OVCH1: variants seen among roughly 807,000 people sequenced by gnomAD.
The protein encoded by OVCH1 is ovochymase 1.
In OVCH1, 139 loss-of-function variants were observed where a neutral mutation model predicts 138.4. That is an observed-to-expected ratio of 1.00 (90% CI 0.87 to 1.16). The LOEUF (loss-of-function observed/expected upper bound fraction) is 1.16, where lower values mean the gene tolerates loss of function less well. Among genes scored for constraint, OVCH1 ranks in the 50% most tolerant of loss-of-function variants. The pLI, the probability that OVCH1 is intolerant of heterozygous loss-of-function variation, is 0.00. For synonymous variants in OVCH1, 453 were observed against 467.8 expected, an observed-to-expected ratio of 0.97 and a Z score of 0.41; for missense variants, 1,367 against 1,357.9, an observed-to-expected ratio of 1.01 and a Z score of -0.11.
rs1555140209 is a variant in OVCH1, at chr12:29,412,932, C to CT, written c.*72-208dup. On this transcript the variant is annotated intron_variant and NMD_transcript_variant, in intron 3 of 4. Transcript: ENST00000539117. ...GTGCAGTAGTAGCTCACTGTAGACT[C>CT]TAACTCCTGGCTCAAATGATCCTGC... Among the ~76,000 whole-genome samples the CT allele has an allele frequency of 2.8e-4, 43 of 152,146 alleles. 1 individual carries two copies. In the East Asian group the frequency reaches 7.7e-3, roughly 27 times the overall value.
chr12:29,432,551 T>TCTAATA (rs1941288038), intron 27 of OVCH1, among the ~76,000 whole-genome samples: 1 of 152,076 alleles, frequency 6.6e-6, no homozygotes, highest in Non-Finnish European at 1.5e-5. Flanking sequence ...CATGTTAAGT[T>TCTAATA]TGAGATTCTT....
rs1941585900 is a variant in OVCH1 at position 29,445,406 on chromosome 12, A to C, written c.2756-3T>G. On this transcript the variant is annotated splice_region_variant and splice_polypyrimidine_tract_variant and intron_variant, in intron 22 of 27. Transcript: ENST00000318184. ...AAGTCTTCTTCCATGTAATCCACCT[A>C]GGTTAAAAAGTGAACTCTAGTAAAA... 1 of 1,598,822 alleles carries C rather than the reference A, an allele frequency of 6.3e-7. No homozygotes were observed.
intron 8 of OVCH1, among the ~76,000 whole-genome samples, 31 bp downstream of exon 9, chr12:29,484,682 C>T (rs1451748569): frequency 6.6e-6 from 1 of 152,012 alleles, no homozygotes; most frequent in Non-Finnish European, 1.5e-5. Flanking sequence ...GAGGAAAAGC[C>T]CCAGAAATCA....
chr12:29,411,608 C>T (rs1381829041), downstream of OVCH1, among the ~76,000 whole-genome samples: 1 of 152,140 alleles, frequency 6.6e-6, no homozygotes, highest in Non-Finnish European at 1.5e-5. Context: ...GCGGTGTTTG[C>T]AGAACAGCGG....
At chr12:29,462,438 TAATATA>T (rs1229006653) in intron 18 of OVCH1, among the ~76,000 whole-genome samples, 3 of 150,898 alleles carry the variant, frequency 2.0e-5, no homozygotes, top group South Asian at 2.1e-4. Flanking sequence ...TATGATTTCC[TAATATA>T]AACAAAAATC....
At chr12:29,447,723 A>C (rs1941657919) in intron 22 of OVCH1, among the ~76,000 whole-genome samples, 1 of 152,106 alleles carries the variant, frequency 6.6e-6, no homozygotes, top group South Asian at 2.1e-4. Flanking sequence ...CAGGTAAATG[A>C]AGATGGTTTC....
chr12:29,437,258 C>G (rs1941381174), intron 26 of OVCH1, among the ~76,000 whole-genome samples: 4 of 152,228 alleles, frequency 2.6e-5, no homozygotes, highest in Admixed American at 2.6e-4. Context: ...AGAAGCCCAG[C>G]TGGCTTCACC....
At chr12:29,461,933 T>G (rs1565587350) in exon 19 of OVCH1, 2 of 1,613,880 alleles carry the variant, frequency 1.2e-6, no homozygotes, top group Non-Finnish European at 1.7e-6. Flanking sequence ...ATGGGCAGAA[T>G]AGTAAGTGTG....
chr12:29,472,393 A>G (rs1942544375), intron 15 of OVCH1, among the ~76,000 whole-genome samples: 1 of 152,166 alleles, frequency 6.6e-6, no homozygotes. Context: ...TTCTTGTTTT[A>G]GTTCTTGTTC....
intron 27 of OVCH1, among the ~76,000 whole-genome samples, chr12:29,432,517 G>A (rs747235213): frequency 6.6e-6 from 1 of 152,102 alleles, no homozygotes; most frequent in Non-Finnish European, 1.5e-5. Context: ...GGCAGGGGTA[G>A]GAAATCAAGG....
chr12:29,463,941 T>G (rs1454560974), intron 18 of OVCH1, among the ~76,000 whole-genome samples: 1 of 152,154 alleles, frequency 6.6e-6, no homozygotes, highest in African/African-American at 2.4e-5. Context: ...CTTTCACTGT[T>G]TTACTAAGCC....
chr12:29,487,025 C>A (rs930738768), intron 7 of OVCH1: 1 of 418,444 alleles, frequency 2.4e-6, no homozygotes, highest in Non-Finnish European at 4.8e-6. Context: ...GGATCCACAG[C>A]ACCACTTCTA....
At chr12:29,434,547 C>A (rs767803437) in intron 26 of OVCH1, among the ~76,000 whole-genome samples, 1 of 151,602 alleles carries the variant, frequency 6.6e-6, no homozygotes, top group African/African-American at 2.4e-5. Flanking sequence ...AAAAGAAGCA[C>A]AAGAAATTGA....
intron 3 of OVCH1, among the ~76,000 whole-genome samples, chr12:29,415,132 T>C (rs879510277): frequency 2.6e-5 from 4 of 152,210 alleles, no homozygotes; most frequent in Non-Finnish European, 5.9e-5. Flanking sequence ...GATAAGTTAC[T>C]AAATTCTTAG....
chr12:29,404,748 C>G, the OVCH1 span, among the ~76,000 whole-genome samples: 5 of 151,958 alleles, frequency 3.3e-5, no homozygotes, highest in Non-Finnish European at 7.4e-5. Context: ...ATCAGCCGGG[C>G]GCGGTGGGTC....
At chr12:29,439,678 T>A (rs1362028151) in intron 25 of OVCH1, among the ~76,000 whole-genome samples, 175 bp downstream of exon 26, 4 of 152,088 alleles carry the variant, frequency 2.6e-5, no homozygotes, top group Non-Finnish European at 5.9e-5. Context: ...ACTGCACAGG[T>A]TAAGAGCTCG....
intron 14 of OVCH1, among the ~76,000 whole-genome samples, chr12:29,474,556 G>A (rs988167330): frequency 1.5e-4 from 23 of 152,084 alleles, no homozygotes; most frequent in Non-Finnish European, 2.6e-4. Context: ...TCTCACTCCT[G>A]CCTTTTCTAT....
intron 27 of OVCH1, among the ~76,000 whole-genome samples, chr12:29,428,294 A>G (rs1941212548): frequency 6.6e-6 from 1 of 152,226 alleles, no homozygotes; most frequent in African/African-American, 2.4e-5. Flanking sequence ...ACTTCCTGAC[A>G]GAAACCAATT....
intron 16 of OVCH1, among the ~76,000 whole-genome samples, chr12:29,467,860 GAATT>G (rs1942372171): frequency 6.6e-6 from 1 of 152,182 alleles, no homozygotes. Context: ...TGAAGTTTGA[GAATT>G]AATACTGGAG....
Sources: gnomAD v4.1 joint callset for allele counts (sites outside exome capture counted in the v4.1 genomes callset) on GRCh38, gnomAD v4.1.1 for gene constraint, MANE v1.5 for transcripts, NCBI Gene and HGNC (gene_info 2026-07-23, HGNC 2026-07-21) for gene names.